The following VAT1 variants were observed in gnomAD, a reference collection of about 807,000 sequenced individuals.
The protein encoded by VAT1 is NADPH-dependent quinone oxidoreductase VAT1.
In VAT1, 24 loss-of-function variants were observed where a neutral mutation model predicts 33.3. That is an observed-to-expected ratio of 0.72 (90% CI 0.52 to 1.01). The LOEUF is 1.01. Among genes scored for constraint, VAT1 ranks in the 50% least tolerant of loss-of-function variants. The probability of loss-of-function intolerance (pLI) is 0.00; values close to 1 mark genes in which losing one functional copy is unlikely to be tolerated. For synonymous variants in VAT1, 212 were observed against 225.0 expected, an observed-to-expected ratio of 0.94 and a Z score of 0.52; for missense variants, 436 against 533.7, an observed-to-expected ratio of 0.82 and a Z score of 1.80.
intron 1 of VAT1, among the ~76,000 whole-genome samples, chr17:43,020,442 C>T (rs934356126): frequency 1.3e-5 from 2 of 152,090 alleles, no homozygotes; most frequent in Non-Finnish European, 2.9e-5. Flanking sequence ...GAGGGTGGGG[C>T]CAGAGCTGAA....
chr17:43,016,886 C>T (rs2050524813), intron 4 of VAT1, among the ~76,000 whole-genome samples: 2 of 150,654 alleles, frequency 1.3e-5, no homozygotes, highest in African/African-American at 2.4e-5. Flanking sequence ...AGGTGTTGGC[C>T]GGGTATGGTG....
At position 43,020,874 on chromosome 17, in the gene VAT1, TAAAAAAA is replaced by T. The variant is rs57324710; in HGVS notation, c.387+1055_387+1061del. Among the ~76,000 whole-genome samples, 8 of 100,170 alleles carry T rather than the reference TAAAAAAA, an allele frequency of 8.0e-5. 1 individual carries two copies. The highest frequency in any genetic ancestry group is 1.7e-4 in the Non-Finnish European group (8 of 46,974). The allele number at this position is 100,170 out of a possible 152,430, so 65.7% of individuals were successfully genotyped here. A position where few individuals can be genotyped will look rare whatever the true frequency, so the allele number is the denominator to read the frequency against. The stretch of plus-strand genomic sequence containing the variant: ...TGGGCAACAAGAGCGAAACTCCGTC[TAAAAAAA>T]AAAAAAAAAAAAAAGAAAAAGAAAA... On this transcript the variant is annotated intron_variant, in intron 1 of 5. Transcript: ENST00000355653.
At chr17:43,018,310 C>A in intron 2 of VAT1, 104 bp from the exon 3 acceptor site, 2 of 1,367,930 alleles carry the variant, frequency 1.5e-6, no homozygotes, top group South Asian at 1.3e-5. Flanking sequence ...ATTTTGCCTA[C>A]GCTCATTTTA....
rs1171287657 is a variant in VAT1 at position 43,021,918 on chromosome 17, C to T, written c.387+18G>A. ...AGTGGCCTGCGCAGCCCTGCCCTGC[C>T]CTACGCAACCCGCTCACCTTGCGGT... On this transcript the variant is annotated intron_variant, in intron 1 of 5. Coordinates refer to ENST00000355653, the MANE Select transcript of VAT1 (RefSeq NM_006373.4). 1.2e-6 allele frequency: 2 copies of T among 1,609,778 alleles called. No homozygotes were observed. Among genetic ancestry groups the T allele is most frequent in the East Asian group, 2.2e-5 (1 of 44,840 alleles).
intron 1 of VAT1, among the ~76,000 whole-genome samples, chr17:43,021,687 C>T (rs1233685774): frequency 6.6e-6 from 1 of 151,802 alleles, no homozygotes; most frequent in African/African-American, 2.4e-5. Context: ...CCCCCACCAG[C>T]ACAGCTTCTG....
At chr17:43,021,425 CCA>C (rs2050565996) in intron 1 of VAT1, among the ~76,000 whole-genome samples, 1 of 152,180 alleles carries the variant, frequency 6.6e-6, no homozygotes, top group South Asian at 2.1e-4. Flanking sequence ...CCTCACACCC[CCA>C]CAGACCACGG....
chr17:43,021,610 G>A (rs1405492590), intron 1 of VAT1, among the ~76,000 whole-genome samples: 1 of 105,852 alleles, frequency 9.4e-6, no homozygotes, highest in Non-Finnish European at 2.1e-5. Context: ...TTTTAATGGG[G>A]GGGGGGGGGG....
rs567021190 is a variant in VAT1, at chr17:43,022,192, G to A, written c.131C>T (p.Ser44Leu). The change falls in exon 1 of 6, where the codon TCG becomes TTG. Residue 44 changes from serine to leucine, a missense_variant. Ser to Leu is a moderately radical substitution (Grantham distance 145). Coordinates refer to ENST00000355653, the MANE Select transcript of VAT1 (RefSeq NM_006373.4). ...CACTAGGCAGCGCAGCAGTGGCGGC[G>A]AGGCGGCGGCGGCGGCGGCCCCTTC... ...ASEGAAAAAA[S>L]PPLLRCLVLT... 2 of 1,558,106 alleles carry A rather than the reference G, an allele frequency of 1.3e-6. No individual in the cohort carries two copies. The highest frequency in any genetic ancestry group is 1.4e-5 in the African/African-American group (1 of 72,986).
intron 1 of VAT1, among the ~76,000 whole-genome samples, chr17:43,020,801 G>T (rs896517240): frequency 1.3e-5 from 2 of 151,006 alleles, no homozygotes; most frequent in African/African-American, 4.9e-5. Context: ...CTTGAACCCG[G>T]GAGGCAGAGG....
intron 1 of VAT1, chr17:43,020,402 T>A: frequency 1.9e-6 from 1 of 539,832 alleles, no homozygotes; most frequent in Non-Finnish European, 2.4e-6. Context: ...AGACGCCTGC[T>A]CAAGAGTGGG....
Position 43,021,923 on chromosome 17 carries a change from G to A in VAT1, c.387+13C>T. The A allele has an allele frequency of 1.9e-6, 3 of 1,609,788 alleles. No homozygotes were observed. Among genetic ancestry groups the A allele is most frequent in the South Asian group, 1.1e-5 (1 of 90,840 alleles). Reference sequence around the variant, plus strand: ...CCTGCGCAGCCCTGCCCTGCCCTACGCAACCCGCTCACCTTGCGGTCGCTG... The same window carrying A: ...CCTGCGCAGCCCTGCCCTGCCCTACACAACCCGCTCACCTTGCGGTCGCTG... On this transcript the variant is annotated intron_variant, in intron 1 of 5. Transcript: ENST00000355653.
chr17:43,021,756 C>A (rs1017344452), intron 1 of VAT1, among the ~76,000 whole-genome samples, 180 bp downstream of exon 1: 1 of 152,182 alleles, frequency 6.6e-6, no homozygotes, highest in African/African-American at 2.4e-5. Context: ...CTCCCCTCCC[C>A]ACATAAATGC....
rs745795004 is a variant in VAT1, at chr17:43,017,927, A to C, written c.770T>G (p.Val257Gly). Reference sequence around the variant, plus strand: ...ACCCAGAGGGTCCATGACAATGTCCACTCCTGTCATAGAGTAGGGGAACCC... The same window carrying C: ...ACCCAGAGGGTCCATGACAATGTCCCCTCCTGTCATAGAGTAGGGGAACCC... The part of the protein sequence containing the change: ...DEIKKISPKG[V>G]DIVMDPLGGS... The change falls in exon 4 of 6, where the codon GTG becomes GGG. Residue 257 changes from valine (V) to glycine (G), a missense_variant. Val to Gly is a moderately radical substitution (Grantham distance 109, BLOSUM62 -3). This residue lies in a region of VAT1 where 282 missense variants were observed against 405.4 expected (regional missense o/e 0.70). Coordinates refer to ENST00000355653, the MANE Select transcript of VAT1 (RefSeq NM_006373.4). 6.2e-7 allele frequency: 1 copy of C among 1,613,702 alleles called. No homozygotes were observed.
At chr17:43,021,864 G>C in intron 1 of VAT1, 72 bp downstream of exon 1, 1 of 1,565,384 alleles carries the variant, frequency 6.4e-7, no homozygotes, top group Non-Finnish European at 8.6e-7. Flanking sequence ...CCACACCCCC[G>C]GCGCTCGCCC....
At chr17:43,019,600 C>T (rs1328025845) in intron 1 of VAT1, 2 of 152,512 alleles carry the variant, frequency 1.3e-5, no homozygotes, top group East Asian at 1.9e-4. Context: ...GCTACAGAGG[C>T]CTACGCAGCA....
chr17:43,017,788 G>T, intron 4 of VAT1, 53 bp downstream of exon 4: 3 of 1,544,662 alleles, frequency 1.9e-6, no homozygotes, highest in African/African-American at 1.4e-5. Context: ...CCACCCCTTA[G>T]ACCCTCCCTC....
chr17:43,016,266 G>A (rs950440954), intron 5 of VAT1, 41 bp downstream of exon 5: 3 of 1,606,832 alleles, frequency 1.9e-6, no homozygotes, highest in Non-Finnish European at 1.7e-6. Flanking sequence ...CAGCCTTCAT[G>A]AGTCCTACCC....
Position 43,022,275 on chromosome 17 carries a change from G to A in VAT1, c.48C>T (p.Ala16=), listed in dbSNP as rs1471450065. 6.3e-7 allele frequency: 1 copy of A among 1,590,642 alleles called. No individual in the cohort carries two copies. The highest frequency in any genetic ancestry group is 8.5e-7 in the Non-Finnish European group (1 of 1,170,664). ...CCTCGGTTTTCGGAGGCGGCGAAGA[G>A]GCGTCTTCCCCGGTCGCTGCCTCGG... ...EVAEAATGED[A]SSPPPKTEAA... Residue 16 remains alanine (A), a synonymous_variant, in exon 1 of 6, where the codon GCC becomes GCT. Coordinates refer to ENST00000355653, the MANE Select transcript of VAT1 (RefSeq NM_006373.4).
Position 43,017,850 on chromosome 17 carries a change from C to T in VAT1, c.847G>A (p.Val283Ile), listed in dbSNP as rs145617143. 419 of 1,614,144 alleles carry T rather than the reference C, an allele frequency of 2.6e-4. No individual in the cohort carries two copies. The highest frequency in any genetic ancestry group is 3.2e-4 in the Non-Finnish European group (380 of 1,180,022). The change falls in exon 4 of 6, where the codon GTC becomes ATC. Residue 283 changes from valine (V) to isoleucine (I), a missense_variant. Val to Ile is a conservative substitution (Grantham distance 29). This residue lies in a region of VAT1 where 282 missense variants were observed against 405.4 expected (regional missense o/e 0.70). Coordinates refer to ENST00000355653, the MANE Select transcript of VAT1 (RefSeq NM_006373.4). Reference sequence around the variant, plus strand: ...TGGCCCACTAACTCACCATAGGTGACGACTTTGCCCATGGGTTTCAGGAGG... The same window carrying T: ...TGGCCCACTAACTCACCATAGGTGATGACTTTGCCCATGGGTTTCAGGAGG... ...YNLLKPMGKV[V>I]TYGMANLLTG...
Sources: allele counts gnomAD v4.1 joint callset (sites outside exome capture counted in the v4.1 genomes callset), GRCh38; gene constraint gnomAD v4.1.1; regional missense constraint gnomAD v4.1.1; transcripts MANE v1.5; gene names NCBI Gene and HGNC (gene_info 2026-07-23, HGNC 2026-07-21).